Variants in RAPGEF2 observed in about 807,000 individuals in gnomAD.
The protein encoded by RAPGEF2 is PDZ domain containing guanine nucleotide exchange factor (GEF) 1.
RAPGEF2 carries 54 observed loss-of-function variants against 186.7 expected under a neutral mutation model. That is an observed-to-expected ratio of 0.29 (90% CI 0.23 to 0.36). The LOEUF is 0.36. RAPGEF2 is among the 10% of genes least tolerant of loss of function. The probability of loss-of-function intolerance (pLI) is 1.00; values close to 1 mark genes in which losing one functional copy is unlikely to be tolerated. For synonymous variants in RAPGEF2, 712 were observed against 705.9 expected (o/e 1.01, Z -0.14); for missense variants, 1,532 against 2,045.0 (o/e 0.75, Z 4.84).
At chr4:159,297,044 C>G (rs1431516067) in intron 7 of RAPGEF2, among the ~76,000 whole-genome samples, 1 of 152,162 alleles carries the variant, frequency 6.6e-6, no homozygotes, top group African/African-American at 2.4e-5. Context: ...GAATTAATTC[C>G]TTTCTGCCTT....
At chr4:159,265,132 T>C (rs10428456) in intron 7 of RAPGEF2, among the ~76,000 whole-genome samples, 41,152 of 152,080 alleles carry the variant, frequency 0.27, 6,778 homozygotes, top group African/African-American at 0.46. Context: ...GTCTTTCTAG[T>C]GCCCTTTCCC....
At chr4:159,291,138 T>C (rs1761159126) in intron 7 of RAPGEF2, among the ~76,000 whole-genome samples, 1 of 152,174 alleles carries the variant, frequency 6.6e-6, no homozygotes. Context: ...TCAGTTGTAA[T>C]ACCCGTCACT....
intron 1 of RAPGEF2, among the ~76,000 whole-genome samples, chr4:159,105,718 GTCT>G (rs1302172762): frequency 2.0e-5 from 3 of 152,200 alleles, no homozygotes; most frequent in African/African-American, 7.2e-5. Flanking sequence ...AGTTGGATCA[GTCT>G]TCTGCATCTG....
At chr4:159,312,231 T>TAGTG (rs1035372023) in intron 8 of RAPGEF2, among the ~76,000 whole-genome samples, 6 of 152,214 alleles carry the variant, frequency 3.9e-5, no homozygotes, top group Admixed American at 3.9e-4. Context: ...CTGTCTTTGG[T>TAGTG]AGTGTCCTTT....
At position 159,304,345 on chromosome 4, in the gene RAPGEF2, C is replaced by T. The variant is rs1448271361; in HGVS notation, c.547C>T (p.Pro183Ser). ...GTTTTTCCTGCTCCTTCCATAGCTT[C>T]CTGCAGATTTCACAAAACTGCATCT... ...YHTECTKSQL[P>S]ADFTKLHLTD... Residue 183 changes from proline to serine, a missense_variant, in exon 8 of 30, where the codon CCT (proline) becomes TCT (serine). Physicochemically the swap from Pro to Ser is moderately conservative, Grantham distance 74. Transcript: ENST00000691494. The T allele has an allele frequency of 9.4e-6, 15 of 1,603,626 alleles. No individual in the cohort carries two copies. Among genetic ancestry groups the T allele is most frequent in the Non-Finnish European group, 1.3e-5 (15 of 1,172,392 alleles).
At chr4:159,190,106 C>T (rs1376230365) in intron 2 of RAPGEF2, among the ~76,000 whole-genome samples, 1 of 152,188 alleles carries the variant, frequency 6.6e-6, no homozygotes, top group Non-Finnish European at 1.5e-5. Flanking sequence ...CCCAGATGCT[C>T]TGTCATGGGC....
Position 159,341,861 on chromosome 4 carries a change from G to A in RAPGEF2, c.2832G>A (p.Lys944=), listed in dbSNP as rs759720979. Residue 944 remains lysine, a synonymous_variant, in exon 20 of 30, where the codon AAG becomes AAA. Transcript: ENST00000691494. ...TTCTCAGAGAAACAAACCAGCTGAAGAGGATGAAGATCATTAAGCATTTCA... is the reference window on the plus strand; with the variant it reads ...TTCTCAGAGAAACAAACCAGCTGAAAAGGATGAAGATCATTAAGCATTTCA... ...SEILRETNQL[K]RMKIIKHFIK... 1 of 1,613,520 alleles carries A rather than the reference G, an allele frequency of 6.2e-7. No individual in the cohort carries two copies. The highest frequency in any genetic ancestry group is 1.1e-5 in the South Asian group (1 of 91,062).
rs575997931 is a variant in RAPGEF2 at position 159,338,687 on chromosome 4, C to T, written c.2293+219C>T. 3.9e-5 allele frequency among the ~76,000 whole-genome samples: 6 copies of T among 152,276 alleles called. No homozygotes were observed. In the East Asian group the frequency reaches 1.2e-3, roughly 29 times the overall value. On this transcript the variant is annotated intron_variant, in intron 18 of 29. Transcript: ENST00000691494. ...ATATGGCCATAGGCAAATTATCTGT[C>T]TGAACTTGTTTCTTCTTTCATAAAA...
intron 1 of RAPGEF2, among the ~76,000 whole-genome samples, chr4:159,158,234 T>C (rs73860454): frequency 0.025 from 3,738 of 152,244 alleles, 158 homozygotes; most frequent in African/African-American, 0.083. Flanking sequence ...CAGCAATAAA[T>C]TCCAGGAACT....
intron 3 of RAPGEF2, among the ~76,000 whole-genome samples, chr4:159,193,748 C>T (rs1236138757): frequency 6.6e-6 from 1 of 152,038 alleles, no homozygotes; most frequent in Non-Finnish European, 1.5e-5. Flanking sequence ...GAAAAGACAG[C>T]GTATTCTTAA....
intron 10 of RAPGEF2, among the ~76,000 whole-genome samples, chr4:159,323,000 C>G (rs1213073668): frequency 6.6e-6 from 1 of 152,040 alleles, no homozygotes; most frequent in Admixed American, 6.5e-5. Flanking sequence ...TCACTATATT[C>G]CAAATCCATT....
At chr4:159,173,499 T>C (rs534539790) in intron 1 of RAPGEF2, among the ~76,000 whole-genome samples, 1 of 152,056 alleles carries the variant, frequency 6.6e-6, no homozygotes, top group South Asian at 2.1e-4. Context: ...TTCAGTGGAA[T>C]GATGTATAGC....
chr4:159,297,566 T>G (rs1369330044), intron 7 of RAPGEF2, among the ~76,000 whole-genome samples: 1 of 152,216 alleles, frequency 6.6e-6, no homozygotes, highest in Non-Finnish European at 1.5e-5. Flanking sequence ...CAAAATGTAT[T>G]ATGGTATTCT....
chr4:159,231,114 G>A (rs1752583800), intron 4 of RAPGEF2, among the ~76,000 whole-genome samples: 1 of 152,078 alleles, frequency 6.6e-6, no homozygotes, highest in African/African-American at 2.4e-5. Context: ...ATGTTTAGAT[G>A]TTTAGATACA....
Position 159,140,592 on chromosome 4 carries a change from G to A in RAPGEF2, c.69+36361G>A, listed in dbSNP as rs117069498. ...CGAAAATAGAGAAGTGGATAACCAA[G>A]GTAATGTAGAAGACTGTTCTAATTA... On this transcript the variant is annotated intron_variant, in intron 1 of 29. Coordinates refer to ENST00000691494, the MANE Select transcript of RAPGEF2 (RefSeq NM_001394067.2). 2.4e-4 allele frequency among the ~76,000 whole-genome samples: 36 copies of A among 152,196 alleles called. No homozygotes were observed. In the East Asian group the frequency reaches 7.0e-3, roughly 29 times the overall value.
intron 9 of RAPGEF2, 67 bp from the exon 10 acceptor site, chr4:159,322,280 A>G: frequency 6.7e-7 from 1 of 1,488,806 alleles, no homozygotes; most frequent in East Asian, 2.3e-5. Flanking sequence ...ACCCTAAAAC[A>G]TTCTTTTTGA....
chr4:159,197,554 C>G (rs1049022953), intron 3 of RAPGEF2, among the ~76,000 whole-genome samples: 1 of 152,216 alleles, frequency 6.6e-6, no homozygotes, highest in African/African-American at 2.4e-5. Context: ...GGGTTTCTCT[C>G]TCTCTATTCC....
intron 1 of RAPGEF2, among the ~76,000 whole-genome samples, chr4:159,113,981 G>A (rs1738775027): frequency 6.6e-6 from 1 of 151,880 alleles, no homozygotes; most frequent in Admixed American, 6.6e-5. Context: ...TTTTGCAACA[G>A]GATCTCACTG....
At chr4:159,338,550 C>T (rs1767798507) in intron 18 of RAPGEF2, 82 bp downstream of exon 18, 1 of 1,341,196 alleles carries the variant, frequency 7.5e-7, no homozygotes, top group Non-Finnish European at 1.0e-6. Flanking sequence ...ATGTATCTCT[C>T]TTCATTTGGC....
Sources: gnomAD v4.1 joint callset for allele counts (sites outside exome capture counted in the v4.1 genomes callset) on GRCh38, gnomAD v4.1.1 for gene constraint, MANE v1.5 for transcripts, NCBI Gene and HGNC (gene_info 2026-07-23, HGNC 2026-07-21) for gene names.